IL1RAPL2: variants seen among roughly 807,000 people sequenced by gnomAD.
The protein encoded by IL1RAPL2 is interleukin 1 receptor accessory protein like 2, also known as X-linked interleukin-1 receptor accessory protein-like 2.
A neutral mutation model predicts 44.1 loss-of-function variants in IL1RAPL2; 3 were observed. The observed-to-expected ratio is 0.07, with a 90% CI of 0.03 to 0.18. The LOEUF (loss-of-function observed/expected upper bound fraction) is 0.18, where lower values mean the gene tolerates loss of function less well. Among genes scored for constraint, IL1RAPL2 ranks in the 10% least tolerant of loss-of-function variants. The pLI, the probability that IL1RAPL2 is intolerant of heterozygous loss-of-function variation, is 1.00. For synonymous variants in IL1RAPL2, 181 were observed against 178.8 expected (o/e 1.01, Z -0.10); for missense variants, 391 against 496.4 (o/e 0.79, Z 2.02).
intron 2 of IL1RAPL2, among the ~76,000 whole-genome samples, chrX:104,735,856 A>G (rs758664111): frequency 1.8e-5 from 2 of 111,569 alleles, no homozygotes; most frequent in Non-Finnish European, 3.8e-5. Flanking sequence ...CATTGTGTCA[A>G]GATCTCATCC....
chrX:105,257,619 C>T (rs1251038031), intron 4 of IL1RAPL2, among the ~76,000 whole-genome samples: 5 of 111,931 alleles, frequency 4.5e-5, no homozygotes, highest in Non-Finnish European at 7.5e-5. Flanking sequence ...TGGGTTCCCC[C>T]GTGGTGGGCG....
At chrX:104,919,158 C>T (rs1418469446) in intron 2 of IL1RAPL2, among the ~76,000 whole-genome samples, 2 of 110,831 alleles carry the variant, frequency 1.8e-5, no homozygotes, top group East Asian at 2.8e-4. Flanking sequence ...TTAGACAACT[C>T]TTATGCTACA....
At chrX:105,286,169 G>C (rs2147666256) in intron 5 of IL1RAPL2, among the ~76,000 whole-genome samples, 1 of 111,195 alleles carries the variant, frequency 9.0e-6, no homozygotes, top group African/African-American at 3.3e-5. Context: ...TGCTTGAAAG[G>C]AAATACGATG....
At chrX:104,718,064 T>C (rs1931610381) in intron 2 of IL1RAPL2, among the ~76,000 whole-genome samples, 1 of 111,265 alleles carries the variant, frequency 9.0e-6, no homozygotes, top group Non-Finnish European at 1.9e-5. Context: ...ACAATAAACA[T>C]ATGTGTGCAT....
At chrX:105,350,933 A>G (rs2035148588) in intron 5 of IL1RAPL2, among the ~76,000 whole-genome samples, 1 of 112,209 alleles carries the variant, frequency 8.9e-6, no homozygotes, top group Non-Finnish European at 1.9e-5. Context: ...TTTAAATGAA[A>G]AAAAACAACC....
At chrX:104,609,871 T>G (rs1569280193) in intron 1 of IL1RAPL2, among the ~76,000 whole-genome samples, 1 of 111,817 alleles carries the variant, frequency 8.9e-6, no homozygotes, top group Non-Finnish European at 1.9e-5. Context: ...AAACTCATTC[T>G]CCGTCCAGTT....
chrX:104,852,183 G>A (rs1569326811), intron 2 of IL1RAPL2, among the ~76,000 whole-genome samples: 1 of 112,259 alleles, frequency 8.9e-6, no homozygotes, highest in South Asian at 3.7e-4. Flanking sequence ...TTTAGGAATA[G>A]GCATTGTAAT....
intron 2 of IL1RAPL2, among the ~76,000 whole-genome samples, chrX:104,952,443 G>A (rs1925608859): frequency 8.9e-6 from 1 of 112,005 alleles, no homozygotes; most frequent in Non-Finnish European, 1.9e-5. Context: ...CCAGAATGCA[G>A]TCAAATGTGT....
At chrX:104,714,314 T>TC (rs750840768) in intron 2 of IL1RAPL2, among the ~76,000 whole-genome samples, 3 of 111,115 alleles carry the variant, frequency 2.7e-5, no homozygotes, top group Non-Finnish European at 3.8e-5. Flanking sequence ...TGGCTCTGTG[T>TC]CCCCACACAA....
intron 5 of IL1RAPL2, among the ~76,000 whole-genome samples, chrX:105,384,886 T>C (rs1675905720): frequency 2.7e-5 from 3 of 111,660 alleles, no homozygotes; most frequent in Non-Finnish European, 5.7e-5. Flanking sequence ...GATTGCTTCC[T>C]TGGTTTATTT....
intron 5 of IL1RAPL2, among the ~76,000 whole-genome samples, chrX:105,467,951 C>G (rs60799455): frequency 9.0e-6 from 1 of 111,650 alleles, no homozygotes; most frequent in Non-Finnish European, 1.9e-5. Flanking sequence ...TGTCTAGTAG[C>G]GGTACCTAGA....
At chrX:104,891,574 A>C (rs769783347) in intron 2 of IL1RAPL2, among the ~76,000 whole-genome samples, 1 of 111,675 alleles carries the variant, frequency 9.0e-6, no homozygotes, top group South Asian at 3.8e-4. Flanking sequence ...ATGGGAGTTA[A>C]CTCATGATTT....
intron 2 of IL1RAPL2, among the ~76,000 whole-genome samples, chrX:104,877,042 C>A (rs1263670962): frequency 9.1e-6 from 1 of 110,415 alleles, no homozygotes; most frequent in Non-Finnish European, 1.9e-5. Context: ...ATACATGTCC[C>A]TACAAAGGAC....
rs754446966 is a variant in IL1RAPL2 at position 104,592,120 on chromosome X, A to G, written c.-20+25069A>G. Among the ~76,000 whole-genome samples the G allele has an allele frequency of 3.4e-5, 3 of 87,537 alleles. No individual in the cohort carries two copies. In the South Asian group the frequency reaches 1.8e-3, roughly 53 times the overall value. 76.0% of individuals were successfully genotyped at this position (87,537 alleles called of 115,157 possible). Reference sequence around the variant, plus strand: ...ATCCTTTTGTGGCTTAGAAGATGCCATATGATTTTTTTTAATGCCCGTATA... The same window carrying G: ...ATCCTTTTGTGGCTTAGAAGATGCCGTATGATTTTTTTTAATGCCCGTATA... On this transcript the variant is annotated intron_variant, in intron 1 of 10. Transcript: ENST00000372582.
intron 2 of IL1RAPL2, among the ~76,000 whole-genome samples, chrX:104,679,477 A>G (rs1205526284): frequency 8.9e-6 from 1 of 112,236 alleles, no homozygotes; most frequent in Non-Finnish European, 1.9e-5. Flanking sequence ...GCATACAAGA[A>G]CAAGGAAGAG....
intron 3 of IL1RAPL2, among the ~76,000 whole-genome samples, chrX:105,222,042 T>G (rs1485556151): frequency 4.5e-5 from 5 of 111,618 alleles, no homozygotes; most frequent in Non-Finnish European, 9.4e-5. Flanking sequence ...CATGTTTCTC[T>G]TAAGCTTAAA....
chrX:105,256,568 A>C (rs1412072952), intron 4 of IL1RAPL2, among the ~76,000 whole-genome samples: 2 of 110,624 alleles, frequency 1.8e-5, no homozygotes, highest in Admixed American at 1.9e-4. Context: ...AGCTCAGGCA[A>C]TCCACCTGCC....
At chrX:105,755,028 A>C in intron 9 of IL1RAPL2, 149 bp from the exon 10 acceptor site, 1 of 390,761 alleles carries the variant, frequency 2.6e-6, no homozygotes, top group South Asian at 7.3e-5. Context: ...GTTATTTTGA[A>C]AGGGATTAGA....
chrX:105,197,810 T>C (rs1311180554), intron 3 of IL1RAPL2, among the ~76,000 whole-genome samples: 3 of 110,746 alleles, frequency 2.7e-5, no homozygotes, highest in Non-Finnish European at 5.7e-5. Flanking sequence ...AGGTTTGTTA[T>C]ACAGGTAAAC....
Sources: gnomAD v4.1 joint callset for allele counts (sites outside exome capture counted in the v4.1 genomes callset) on GRCh38, gnomAD v4.1.1 for gene constraint, MANE v1.5 for transcripts, NCBI Gene and HGNC (gene_info 2026-07-23, HGNC 2026-07-21) for gene names.